The following HMGB1 variants were observed in gnomAD, a reference collection of about 807,000 sequenced individuals.
The protein encoded by HMGB1 is high mobility group protein B1.
For synonymous variants in HMGB1, 81 were observed against 84.0 expected (o/e 0.96, Z 0.19); for missense variants, 79 against 253.5 (o/e 0.31, Z 4.67).
chr13:30,531,956 A>G (rs1457078405), intron 1 of HMGB1, among the ~76,000 whole-genome samples: 1 of 151,898 alleles, frequency 6.6e-6, no homozygotes, highest in Non-Finnish European at 1.5e-5. Flanking sequence ...CAAAACAGAA[A>G]TCTAAAGTCC....
At chr13:30,487,642 C>T (rs1887393691) in intron 1 of HMGB1, among the ~76,000 whole-genome samples, 1 of 152,088 alleles carries the variant, frequency 6.6e-6, no homozygotes, top group African/African-American at 2.4e-5. Context: ...TCCCCTTTTT[C>T]TTTCAAAAAG....
intron 1 of HMGB1, among the ~76,000 whole-genome samples, chr13:30,488,925 A>C (rs769681111): frequency 3.9e-5 from 6 of 152,030 alleles, no homozygotes; most frequent in Admixed American, 1.3e-4. Flanking sequence ...TACATATAAT[A>C]ATAATGACCT....
intron 1 of HMGB1, among the ~76,000 whole-genome samples, chr13:30,599,191 G>A (rs1265002060): frequency 3.3e-5 from 5 of 152,186 alleles, no homozygotes; most frequent in African/African-American, 7.2e-5. Flanking sequence ...ACTACAGGCC[G>A]GGCACAACGG....
intron 1 of HMGB1, among the ~76,000 whole-genome samples, chr13:30,474,668 C>T (rs188919394): frequency 6.6e-6 from 1 of 151,776 alleles, no homozygotes; most frequent in Admixed American, 6.6e-5. Context: ...CTTTGGGAGG[C>T]CGAGGCAGAA....
chr13:30,510,985 G>A (rs1887979541), intron 1 of HMGB1, among the ~76,000 whole-genome samples: 1 of 152,220 alleles, frequency 6.6e-6, no homozygotes, highest in South Asian at 2.1e-4. Flanking sequence ...TTTTTTACAA[G>A]TTGCTCATTC....
intron 1 of HMGB1, among the ~76,000 whole-genome samples, chr13:30,512,258 T>A (rs1295848984): frequency 6.6e-6 from 1 of 151,266 alleles, no homozygotes; most frequent in African/African-American, 2.4e-5. Context: ...AATCTGGGAG[T>A]AATATCAGGG....
At chr13:30,470,942 C>T (rs887065239) in intron 1 of HMGB1, among the ~76,000 whole-genome samples, 1 of 149,122 alleles carries the variant, frequency 6.7e-6, no homozygotes, top group Non-Finnish European at 1.5e-5. Flanking sequence ...AGCCACCATG[C>T]CCAGACTTAT....
intron 1 of HMGB1, among the ~76,000 whole-genome samples, chr13:30,557,021 TG>T (rs1341929260): frequency 6.6e-6 from 1 of 152,216 alleles, no homozygotes; most frequent in Non-Finnish European, 1.5e-5. Context: ...TATGTACAAT[TG>T]GTATTTGTCA....
chr13:30,490,122 G>A (rs1468102786), intron 1 of HMGB1, among the ~76,000 whole-genome samples: 1 of 151,210 alleles, frequency 6.6e-6, no homozygotes, highest in African/African-American at 2.4e-5. Context: ...CTATCTTCCA[G>A]GCATTTTCAA....
At chr13:30,467,281 A>G (rs190985512), upstream of HMGB1, among the ~76,000 whole-genome samples, 3 of 152,194 alleles carry the variant, frequency 2.0e-5, no homozygotes, top group Admixed American at 1.3e-4. Flanking sequence ...ATTCCTCCAA[A>G]TGTAACAGAT....
chr13:30,522,962 C>T (rs1888274114), intron 1 of HMGB1, among the ~76,000 whole-genome samples: 1 of 152,064 alleles, frequency 6.6e-6, no homozygotes, highest in South Asian at 2.1e-4. Flanking sequence ...GATCCACCCA[C>T]CTCGGCCTCC....
chr13:30,537,210 T>C lies in HMGB1; in HGVS notation c.-14-73516A>G, dbSNP rs115200379. The stretch of plus-strand genomic sequence containing the variant: ...AGTAATACTTTTAAGAAGTCTTAAG[T>C]TATTCTGTCTTGATCCTTTTATCTC... On this transcript the variant is annotated intron_variant, in intron 1 of 4. Coordinates refer to the HMGB1 transcript ENST00000405805. Among the ~76,000 whole-genome samples, 369 of 152,270 alleles carry C rather than the reference T, an allele frequency of 2.4e-3. 1 individual carries two copies. The highest frequency in any genetic ancestry group is 8.4e-3 in the African/African-American group (349 of 41,544).
At chr13:30,574,441 C>T (rs1870561445) in intron 1 of HMGB1, among the ~76,000 whole-genome samples, 2 of 151,876 alleles carry the variant, frequency 1.3e-5, no homozygotes, top group South Asian at 4.2e-4. Context: ...TAAATGGTTG[C>T]TAAATGAATT....
At chr13:30,477,435 T>C (rs1887123433) in intron 1 of HMGB1, among the ~76,000 whole-genome samples, 1 of 152,074 alleles carries the variant, frequency 6.6e-6, no homozygotes, top group Admixed American at 6.6e-5. Flanking sequence ...CTGAGGCTGA[T>C]TGAATAGGAC....
chr13:30,499,093 C>T (rs946447991), intron 1 of HMGB1, among the ~76,000 whole-genome samples: 3 of 152,042 alleles, frequency 2.0e-5, no homozygotes, highest in African/African-American at 4.8e-5. Flanking sequence ...GCTGGGATTA[C>T]AGGTGTGCAC....
intron 1 of HMGB1, among the ~76,000 whole-genome samples, chr13:30,556,327 C>T (rs775525633): frequency 6.6e-6 from 1 of 152,110 alleles, no homozygotes; most frequent in Non-Finnish European, 1.5e-5. Context: ...TTGCTTGAGC[C>T]CGAGAGGTGG....
At chr13:30,579,754 A>T (rs1189679205) in intron 1 of HMGB1, among the ~76,000 whole-genome samples, 4 of 152,196 alleles carry the variant, frequency 2.6e-5, no homozygotes, top group Non-Finnish European at 4.4e-5. Flanking sequence ...AATGATGATG[A>T]TAACAACATG....
intron 1 of HMGB1, among the ~76,000 whole-genome samples, chr13:30,534,867 A>G (rs1236983583): frequency 6.6e-6 from 1 of 152,000 alleles, no homozygotes; most frequent in Non-Finnish European, 1.5e-5. Flanking sequence ...TTGAGCCACC[A>G]TGCCCAGCCA....
chr13:30,552,555 A>G lies in HMGB1; in HGVS notation c.-15+64116T>C, dbSNP rs116290789. On this transcript the variant is annotated intron_variant, in intron 1 of 4. Coordinates refer to the HMGB1 transcript ENST00000405805. ...CTGGGTATCTCTCTTCGATACTTTT[A>G]CTACCTTTTTGTATACTTCTATTGA... Among the ~76,000 whole-genome samples, 624 of 152,226 alleles carry G rather than the reference A, an allele frequency of 4.1e-3. 1 individual carries two copies. The highest frequency in any genetic ancestry group is 0.014 in the African/African-American group (589 of 41,522).
Sources: gnomAD v4.1 joint callset for allele counts (sites outside exome capture counted in the v4.1 genomes callset) on GRCh38, gnomAD v4.1.1 for gene constraint, MANE v1.5 for transcripts, NCBI Gene and HGNC (gene_info 2026-07-23, HGNC 2026-07-21) for gene names.